Variants in MTUS2 observed in about 807,000 individuals in gnomAD.
The protein encoded by MTUS2 is microtubule-associated tumor suppressor candidate 2.
A neutral mutation model predicts 114.1 loss-of-function variants in MTUS2; 40 were observed. The ratio of observed to expected loss-of-function variants is 0.35; its 90% CI spans 0.27 to 0.46. The LOEUF (loss-of-function observed/expected upper bound fraction) is 0.46. Ranked by LOEUF, MTUS2 falls within the 20% of genes least tolerant of loss-of-function variation. MTUS2 has a pLI of 1.00. For synonymous variants in MTUS2, 688 were observed against 672.0 expected (o/e 1.02, Z -0.37); for missense variants, 1,679 against 1,705.4 (o/e 0.98, Z 0.27).
rs56192034 is a variant in MTUS2, at chr13:29,350,960, C to CATATATAT, written c.2906-8285_2906-8278dup. 3.0e-3 allele frequency among the ~76,000 whole-genome samples: 381 copies of CATATATAT among 128,640 alleles called. 15 individuals carry two copies. The highest frequency in any genetic ancestry group is 5.0e-3 in the Non-Finnish European group (291 of 58,624). The allele number at this position is 128,640 out of a possible 152,430, so 84.4% of individuals were successfully genotyped here. On this transcript the variant is annotated intron_variant, in intron 7 of 15. Transcript: ENST00000612955. Reference sequence around the variant, plus strand: ...TAGGAATTAGGGCATATATATATTTCATATATATATATATATATATATATC... The same window carrying CATATATAT: ...TAGGAATTAGGGCATATATATATTTCATATATATATATATATATATATATATATATATC...
intron 4 of MTUS2, among the ~76,000 whole-genome samples, chr13:29,089,351 T>C (rs1889838250): frequency 6.6e-6 from 1 of 152,212 alleles, no homozygotes; most frequent in African/African-American, 2.4e-5. Context: ...TTCCTTTGTA[T>C]GTGACCTGCC....
chr13:28,919,295 G>T (rs547065100), intron 2 of MTUS2, among the ~76,000 whole-genome samples: 1 of 151,952 alleles, frequency 6.6e-6, no homozygotes, highest in Non-Finnish European at 1.5e-5. Context: ...TGTCTGGGAA[G>T]GTCTTTATTT....
intron 9 of MTUS2, among the ~76,000 whole-genome samples, chr13:29,442,560 A>G (rs571908216): frequency 6.6e-6 from 1 of 152,134 alleles, no homozygotes; most frequent in East Asian, 1.9e-4. Context: ...TTGCAAAGAT[A>G]TGATATCATG....
chr13:28,973,033 A>T (rs1205492790), intron 2 of MTUS2, among the ~76,000 whole-genome samples: 1 of 152,100 alleles, frequency 6.6e-6, no homozygotes, highest in African/African-American at 2.4e-5. Flanking sequence ...TCTATTTTGT[A>T]TGTTTACAGT....
chr13:29,316,116 A>G (rs1169753917), intron 6 of MTUS2, among the ~76,000 whole-genome samples: 1 of 152,162 alleles, frequency 6.6e-6, no homozygotes, highest in African/African-American at 2.4e-5. Flanking sequence ...TGCTGTAAGA[A>G]TAGTGTTCAA....
chr13:29,113,065 C>G (rs561695374), intron 5 of MTUS2, among the ~76,000 whole-genome samples: 1 of 152,308 alleles, frequency 6.6e-6, no homozygotes, highest in South Asian at 2.1e-4. Context: ...TTAGGGCCGT[C>G]TCCAGTGATG....
At chr13:28,915,032 C>T (rs974273792) in intron 2 of MTUS2, among the ~76,000 whole-genome samples, 12 of 151,594 alleles carry the variant, frequency 7.9e-5, no homozygotes, top group Admixed American at 7.9e-4. Flanking sequence ...CAATGGGGCT[C>T]GACTCTATCC....
In MTUS2 at chr13:29,487,780, C is replaced by T. The variant is rs139377847; in HGVS notation, c.3400-120C>T. 249 of 788,178 alleles carry T rather than the reference C, an allele frequency of 3.2e-4. 1 individual carries two copies. The East Asian group carries it at 5.3e-3, about 17-fold the overall frequency. The allele number at this position is 788,178 out of a possible 1,614,324, so 48.8% of individuals were successfully genotyped here. A position where few individuals can be genotyped will look rare whatever the true frequency, so the allele number is the denominator to read the frequency against. On this transcript the variant is annotated intron_variant, in intron 10 of 15. Transcript: ENST00000612955. ...CCACCAAAGTCCAGCTCTCCTGCTT[C>T]GGCACAAGGCTGTGACTTGTCATTG...
chr13:29,123,747 T>C (rs1435181003), intron 5 of MTUS2, among the ~76,000 whole-genome samples: 1 of 152,034 alleles, frequency 6.6e-6, no homozygotes, highest in Non-Finnish European at 1.5e-5. Flanking sequence ...CACACACACT[T>C]GAAAAACATA....
intron 8 of MTUS2, chr13:29,428,948 G>C (rs1312826711): frequency 1.9e-6 from 3 of 1,597,086 alleles, no homozygotes; most frequent in African/African-American, 2.7e-5. Flanking sequence ...CAAGGGCAGA[G>C]AGAAAGCCGT....
At chr13:29,368,663 T>A (rs1417814492) in intron 8 of MTUS2, among the ~76,000 whole-genome samples, 1 of 152,228 alleles carries the variant, frequency 6.6e-6, no homozygotes, top group Middle Eastern at 3.2e-3. Context: ...TACTTTATGC[T>A]TCCTACCATC....
At chr13:29,036,700 G>A (rs1297936263) in intron 4 of MTUS2, among the ~76,000 whole-genome samples, 1 of 152,126 alleles carries the variant, frequency 6.6e-6, no homozygotes. Context: ...CCTGTATTAG[G>A]TGCATATATA....
chr13:29,180,411 G>A (rs1159771983), intron 5 of MTUS2, among the ~76,000 whole-genome samples: 1 of 152,172 alleles, frequency 6.6e-6, no homozygotes, highest in Non-Finnish European at 1.5e-5. Flanking sequence ...GTAGAATGTA[G>A]GGCAAAGATA....
intron 5 of MTUS2, among the ~76,000 whole-genome samples, chr13:29,187,063 A>G (rs1894254669): frequency 6.6e-6 from 1 of 152,188 alleles, no homozygotes; most frequent in South Asian, 2.1e-4. Context: ...TTTGAGATGA[A>G]TGAAAATGAA....
At chr13:29,316,613 A>G (rs1645935559) in intron 6 of MTUS2, among the ~76,000 whole-genome samples, 1 of 152,230 alleles carries the variant, frequency 6.6e-6, no homozygotes, top group African/African-American at 2.4e-5. Context: ...GCAGGCAGGC[A>G]GTAGAACTTG....
At chr13:28,922,908 C>T (rs1881125704) in intron 2 of MTUS2, among the ~76,000 whole-genome samples, 1 of 152,144 alleles carries the variant, frequency 6.6e-6, no homozygotes, top group South Asian at 2.1e-4. Context: ...TTGCTCTGTT[C>T]CACCAACATT....
chr13:28,852,041 C>G (rs1876311395), intron 2 of MTUS2, among the ~76,000 whole-genome samples: 1 of 152,174 alleles, frequency 6.6e-6, no homozygotes, highest in Admixed American at 6.5e-5. Context: ...CTGATGCCTC[C>G]TTGCTGTTCT....
chr13:29,337,371 C>T (rs1901120060), intron 7 of MTUS2, among the ~76,000 whole-genome samples: 1 of 152,100 alleles, frequency 6.6e-6, no homozygotes, highest in Non-Finnish European at 1.5e-5. Context: ...ATGGTACAGT[C>T]CCTCATGGCT....
intron 2 of MTUS2, among the ~76,000 whole-genome samples, chr13:28,990,396 G>T (rs972276671): frequency 1.3e-5 from 2 of 152,110 alleles, no homozygotes; most frequent in Non-Finnish European, 2.9e-5. Context: ...TGTAGTGGGG[G>T]CATGAGAACT....
Sources: gnomAD v4.1 joint callset for allele counts (sites outside exome capture counted in the v4.1 genomes callset) on GRCh38, gnomAD v4.1.1 for gene constraint, MANE v1.5 for transcripts, NCBI Gene and HGNC (gene_info 2026-07-23, HGNC 2026-07-21) for gene names.